LYST: variants seen among roughly 807,000 people sequenced by gnomAD.
The protein encoded by LYST is lysosomal-trafficking regulator.
In LYST, 192 loss-of-function variants were observed where a neutral mutation model predicts 413.6. That is an observed-to-expected ratio of 0.46 (90% confidence interval 0.41 to 0.52). The LOEUF (loss-of-function observed/expected upper bound fraction) is 0.52, where lower values mean the gene tolerates loss of function less well. Ranked by LOEUF, LYST falls within the 20% of genes least tolerant of loss-of-function variation. LYST has a pLI of 0.00. For synonymous variants in LYST, 1,525 were observed against 1,567.3 expected, an observed-to-expected ratio of 0.97 and a Z score of 0.64; for missense variants, 3,815 against 4,499.9, an observed-to-expected ratio of 0.85 and a Z score of 4.35.
Position 235,731,168 on chromosome 1 carries a change from C to T in LYST, c.8811G>A (p.Trp2937Ter), listed in dbSNP as rs768529242. ...AGGTTGGATAGTAGATGGGGTCATA[C>T]CATACTGCTCTGCAAGTAAAAAGAT... ...IQQLTHDRAV[W>*]YDPIYYPTSW... Residue 2937 changes from tryptophan to a stop codon, truncating the protein, a stop_gained, in exon 35 of 53, where the codon TGG becomes TGA. Transcript: ENST00000389793. LOFTEE classifies it high-confidence loss of function. The T allele has an allele frequency of 6.2e-7, 1 of 1,613,960 alleles. No homozygotes were observed. Among genetic ancestry groups the T allele is most frequent in the Non-Finnish European group, 8.5e-7 (1 of 1,179,948 alleles).
rs1572509897 is a variant in LYST, at chr1:235,872,781, T to C, written n.454+10406A>G. ...AATACAAAAAATTAGCCGGGTGTGG[T>C]GGTGCATGCCTGTAGTCCCAGCTAC... is the stretch of plus-strand genomic sequence containing the variant. On this transcript the variant is annotated intron_variant and non_coding_transcript_variant, in intron 1 of 11. Transcript: ENST00000465349. Among the ~76,000 whole-genome samples the C allele has an allele frequency of 2.0e-5, 3 of 152,076 alleles. No individual in the cohort carries two copies. In the South Asian group the frequency reaches 6.2e-4, roughly 32 times the overall value.
rs1000260056 is a variant in LYST at position 235,880,202 on chromosome 1, T to C, written n.454+2985A>G. On this transcript the variant is annotated intron_variant and non_coding_transcript_variant, in intron 1 of 11. Coordinates refer to the LYST transcript ENST00000465349. ...TGTCTCAAACATGTTTCTTTTTGTA[T>C]TGACCACTTCCTCAATTTCAGAGAA... Among the ~76,000 whole-genome samples the C allele has an allele frequency of 2.0e-5, 3 of 152,254 alleles. No homozygotes were observed. In the East Asian group the frequency reaches 5.8e-4, roughly 29 times the overall value.
At chr1:235,792,233 G>T in intron 11 of LYST, 108 bp from the exon 12 acceptor site, 1 of 712,402 alleles carries the variant, frequency 1.4e-6, no homozygotes, top group Non-Finnish European at 2.4e-6. Flanking sequence ...ACACATATCA[G>T]CATTCCTATT....
chr1:235,766,305 G>C, intron 20 of LYST, 28 bp from the exon 21 acceptor site: 1 of 1,518,664 alleles, frequency 6.6e-7, no homozygotes, highest in Non-Finnish European at 9.0e-7. Context: ...ACTCTCTTTA[G>C]ATTTAAAGAA....
At chr1:235,880,843 C>T (rs978783220) in intron 1 of LYST, among the ~76,000 whole-genome samples, 2 of 152,036 alleles carry the variant, frequency 1.3e-5, no homozygotes, top group Admixed American at 6.6e-5. Flanking sequence ...TTCCATTTAG[C>T]GGCCGGGCAC....
intron 50 of LYST, among the ~76,000 whole-genome samples, chr1:235,666,607 T>TACACACACACACACACACAC (rs10635511): frequency 1.4e-5 from 2 of 141,452 alleles, no homozygotes; most frequent in East Asian, 2.4e-4. Flanking sequence ...CACACACACA[T>TACACACACACACACACACAC]ACACACACAC....
intron 43 of LYST, among the ~76,000 whole-genome samples, chr1:235,710,928 A>G (rs915229057): frequency 2.0e-5 from 3 of 152,160 alleles, no homozygotes; most frequent in African/African-American, 7.2e-5. Flanking sequence ...CTGACATTGC[A>G]TGAAGAGAGG....
chr1:235,823,190 T>C (rs1451018037), intron 3 of LYST, among the ~76,000 whole-genome samples: 1 of 152,204 alleles, frequency 6.6e-6, no homozygotes, highest in Non-Finnish European at 1.5e-5. Flanking sequence ...CAATGAATTA[T>C]CTACTCTCCA....
At chr1:235,735,757 C>T (rs1226842882) in intron 31 of LYST, 3 of 152,056 alleles carry the variant, frequency 2.0e-5, no homozygotes, top group African/African-American at 7.2e-5. Context: ...TGAATCACAT[C>T]GTGTCATTTC....
chr1:235,713,998 G>A (rs149193899), intron 42 of LYST, among the ~76,000 whole-genome samples: 2 of 152,304 alleles, frequency 1.3e-5, no homozygotes, highest in East Asian at 1.9e-4. Context: ...TAAATGAAAT[G>A]TAGTCTTGGA....
At chr1:235,878,701 C>G (rs981779717) in intron 1 of LYST, among the ~76,000 whole-genome samples, 2 of 152,196 alleles carry the variant, frequency 1.3e-5, no homozygotes, top group African/African-American at 4.8e-5. Flanking sequence ...TGGAACTCAG[C>G]TGCTGACTGA....
intron 1 of LYST, among the ~76,000 whole-genome samples, chr1:235,846,764 T>G (rs890126732): frequency 2.0e-5 from 3 of 151,874 alleles, no homozygotes; most frequent in African/African-American, 4.8e-5. Context: ...ACTAAACAAG[T>G]AGAAGAAAGA....
chr1:235,766,451 A>C (rs572970375), intron 20 of LYST, among the ~76,000 whole-genome samples, 174 bp from the exon 21 acceptor site: 1 of 152,272 alleles, frequency 6.6e-6, no homozygotes, highest in East Asian at 1.9e-4. Context: ...TCCTAATTCA[A>C]GCAATCTTGT....
At position 235,716,692 on chromosome 1, in the gene LYST, C is replaced by A. The variant is rs186755053; in HGVS notation, c.9627+20G>T. On this transcript the variant is annotated intron_variant, in intron 41 of 52. Coordinates refer to ENST00000389793, the MANE Select transcript of LYST (RefSeq NM_000081.4). ...ACACAATTTTTCATTTAATAAAGTACGAGTAAAAACAAAAGCTACCTTGTA... is the reference window on the plus strand; with the variant it reads ...ACACAATTTTTCATTTAATAAAGTAAGAGTAAAAACAAAAGCTACCTTGTA... 5 of 1,486,176 alleles carry A rather than the reference C, an allele frequency of 3.4e-6. No individual in the cohort carries two copies. The highest frequency in any genetic ancestry group is 1.7e-5 in the Admixed American group (1 of 59,070). 92.1% of individuals were successfully genotyped at this position (1,486,176 alleles called of 1,614,324 possible).
intron 16 of LYST, 63 bp from the exon 17 acceptor site, chr1:235,777,371 C>A (rs1026679194): frequency 2.8e-6 from 4 of 1,429,358 alleles, no homozygotes; most frequent in East Asian, 4.6e-5. Context: ...TATGAACTAG[C>A]AAGTAAGTAT....
intron 1 of LYST, among the ~76,000 whole-genome samples, chr1:235,848,203 A>G (rs1301075324): frequency 1.3e-5 from 2 of 152,220 alleles, no homozygotes; most frequent in East Asian, 3.8e-4. Context: ...ACAGCGGCAT[A>G]AAACTGGAAA....
At chr1:235,693,150 C>T (rs934766925) in intron 47 of LYST, among the ~76,000 whole-genome samples, 200 bp downstream of exon 47, 2 of 152,058 alleles carry the variant, frequency 1.3e-5, no homozygotes, top group African/African-American at 4.8e-5. Context: ...CCCGTCTCTA[C>T]TAAAAGAATA....
Position 235,708,456 on chromosome 1 carries a change from G to A in LYST, c.10143+635C>T, listed in dbSNP as rs189166845. Reference sequence around the variant, plus strand: ...AAAGTTGGCTCTTGGCTGTTGTCTGGGAACCTGGATTTCAGGAGAGGTCCT... The same window carrying A: ...AAAGTTGGCTCTTGGCTGTTGTCTGAGAACCTGGATTTCAGGAGAGGTCCT... On this transcript the variant is annotated intron_variant, in intron 44 of 52. Coordinates refer to ENST00000389793, the MANE Select transcript of LYST (RefSeq NM_000081.4). Among the ~76,000 whole-genome samples, 518 of 152,270 alleles carry A rather than the reference G, an allele frequency of 3.4e-3. 1 individual carries two copies. Among genetic ancestry groups the A allele is most frequent in the Non-Finnish European group, 4.3e-3 (290 of 68,018 alleles).
At chr1:235,880,106 A>G (rs1171170141) in intron 1 of LYST, among the ~76,000 whole-genome samples, 1 of 152,214 alleles carries the variant, frequency 6.6e-6, no homozygotes, top group Non-Finnish European at 1.5e-5. Flanking sequence ...ATCAGCAACT[A>G]CATGCATAGC....
Sources: gnomAD v4.1 joint callset for allele counts (sites outside exome capture counted in the v4.1 genomes callset) on GRCh38, gnomAD v4.1.1 for gene constraint, MANE v1.5 for transcripts, NCBI Gene and HGNC (gene_info 2026-07-23, HGNC 2026-07-21) for gene names.